The following VPS13B variants were observed in gnomAD, a reference collection of about 807,000 sequenced individuals.
The protein encoded by VPS13B is intermembrane lipid transfer protein VPS13B.
In VPS13B, 285 loss-of-function variants were observed where a neutral mutation model predicts 426.4. That is an observed-to-expected ratio of 0.67 (90% confidence interval 0.61 to 0.74). VPS13B has a LOEUF of 0.74. VPS13B is among the 30% of genes least tolerant of loss of function. The pLI is 0.00. For missense variants in VPS13B, 4,537 were observed against 4,782.6 expected, an observed-to-expected ratio of 0.95 and a Z score of 1.51; for synonymous variants, 1,676 against 1,676.4, an observed-to-expected ratio of 1.00 and a Z score of 0.01.
chr8:99,717,443 C>A, intron 37 of VPS13B, 70 bp downstream of exon 37: 1 of 1,374,824 alleles, frequency 7.3e-7, no homozygotes, highest in South Asian at 1.2e-5. Context: ...TGAACTGTTT[C>A]ACTAAATTTT....
intron 8 of VPS13B, among the ~76,000 whole-genome samples, chr8:99,125,774 AATTAT>A (rs1431861036): frequency 2.6e-5 from 4 of 152,160 alleles, no homozygotes; most frequent in African/African-American, 7.2e-5. Context: ...TAAAACTATA[AATTAT>A]ATTATGTATA....
rs150458771 is a variant in VPS13B, at chr8:99,754,200, A to G, written c.7051-12574A>G. On this transcript the variant is annotated intron_variant, in intron 39 of 61. Coordinates refer to ENST00000357162, the MANE Select transcript of VPS13B (RefSeq NM_152564.5). The stretch of plus-strand genomic sequence containing the variant: ...GATACATATAAAAAGAAATAATATT[A>G]TAAGCTAAAACTTTTGAGATTGCAA... Among the ~76,000 whole-genome samples the G allele has an allele frequency of 9.3e-5, 14 of 151,124 alleles. No homozygotes were observed. The East Asian group carries it at 2.3e-3, about 25-fold the overall frequency.
At chr8:99,069,740 A>T (rs912241648) in intron 3 of VPS13B, among the ~76,000 whole-genome samples, 4 of 152,166 alleles carry the variant, frequency 2.6e-5, no homozygotes, top group Admixed American at 1.3e-4. Context: ...TGTTATATTC[A>T]GTGTGTTGAA....
At chr8:99,836,987 G>A (rs2130870335) in intron 54 of VPS13B, among the ~76,000 whole-genome samples, 1 of 152,332 alleles carries the variant, frequency 6.6e-6, no homozygotes, top group Middle Eastern at 3.4e-3. Context: ...CAAAGCCGGT[G>A]CTCTGAGCAC....
intron 3 of VPS13B, among the ~76,000 whole-genome samples, chr8:99,043,463 T>G (rs957187058): frequency 1.3e-5 from 2 of 152,186 alleles, no homozygotes; most frequent in Non-Finnish European, 2.9e-5. Flanking sequence ...TTATCGTCAC[T>G]GTTATTGGTG....
chr8:99,308,812 TC>T (rs1275386937), intron 19 of VPS13B, among the ~76,000 whole-genome samples: 1 of 152,180 alleles, frequency 6.6e-6, no homozygotes, highest in Non-Finnish European at 1.5e-5. Context: ...GTAAAAGTGT[TC>T]CTATTTCTCC....
intron 3 of VPS13B, among the ~76,000 whole-genome samples, chr8:99,085,470 G>A (rs1350629449): frequency 6.6e-6 from 1 of 151,794 alleles, no homozygotes; most frequent in East Asian, 1.9e-4. Context: ...GGTTAATATT[G>A]TTATGTGTGA....
At chr8:99,592,051 T>G (rs1462796118) in intron 33 of VPS13B, among the ~76,000 whole-genome samples, 1 of 151,852 alleles carries the variant, frequency 6.6e-6, no homozygotes, top group Non-Finnish European at 1.5e-5. Flanking sequence ...TTCTTTTCTT[T>G]TCTCTTTTTT....
chr8:99,567,378 T>C (rs1825238699), intron 31 of VPS13B, among the ~76,000 whole-genome samples: 1 of 152,104 alleles, frequency 6.6e-6, no homozygotes, highest in African/African-American at 2.4e-5. Context: ...AAAACTGTCT[T>C]CTAGATATTG....
At chr8:99,018,147 A>T (rs1262514691) in intron 2 of VPS13B, among the ~76,000 whole-genome samples, 1 of 152,084 alleles carries the variant, frequency 6.6e-6, no homozygotes, top group African/African-American at 2.4e-5. Context: ...GCACTTTGGG[A>T]GGCCAAGGTG....
chr8:99,176,839 G>T (rs577032526), intron 16 of VPS13B, among the ~76,000 whole-genome samples: 117 of 152,312 alleles, frequency 7.7e-4, no homozygotes, highest in Non-Finnish European at 1.4e-3. Context: ...GCAAAGAGAA[G>T]ATGAAGGATC....
intron 19 of VPS13B, among the ~76,000 whole-genome samples, chr8:99,379,936 A>G (rs988915107): frequency 2.6e-5 from 4 of 152,212 alleles, no homozygotes; most frequent in African/African-American, 7.2e-5. Flanking sequence ...ATTGAATTAT[A>G]TATTCCTGAA....
At chr8:99,802,482 T>C (rs1813176649) in intron 43 of VPS13B, among the ~76,000 whole-genome samples, 1 of 152,158 alleles carries the variant, frequency 6.6e-6, no homozygotes, top group African/African-American at 2.4e-5. Context: ...TTTTGTCTGA[T>C]TGCCAAATAA....
chr8:99,200,416 A>T (rs1239862624), intron 17 of VPS13B, among the ~76,000 whole-genome samples: 1 of 152,086 alleles, frequency 6.6e-6, no homozygotes, highest in Non-Finnish European at 1.5e-5. Flanking sequence ...TTGTGTATAT[A>T]TACCTATAAA....
intron 30 of VPS13B, chr8:99,536,733 C>T (rs1295882524): frequency 1.9e-6 from 1 of 533,980 alleles, no homozygotes; most frequent in East Asian, 5.5e-5. Context: ...ATGTCTTTGG[C>T]ATTAAACGTA....
rs997167471 is a variant in VPS13B, at chr8:99,242,427, A to T, written c.2516-31771A>T. 4.6e-5 allele frequency among the ~76,000 whole-genome samples: 7 copies of T among 152,210 alleles called. No individual in the cohort carries two copies. In the South Asian group the frequency reaches 1.4e-3, roughly 32 times the overall value. On this transcript the variant is annotated intron_variant, in intron 17 of 61. Coordinates refer to ENST00000357162, the MANE Select transcript of VPS13B (RefSeq NM_152564.5). Reference sequence around the variant, plus strand: ...ACAAGAACTGTTTATCAGAATGGTTATATTTGTTTTTGTTTTATTTATAAC... The same window carrying T: ...ACAAGAACTGTTTATCAGAATGGTTTTATTTGTTTTTGTTTTATTTATAAC...
rs1816107129 is a variant in VPS13B at position 99,848,698 on chromosome 8, T to C, written c.9943-78T>C. On this transcript the variant is annotated intron_variant, in intron 54 of 61. Coordinates refer to ENST00000357162, the MANE Select transcript of VPS13B (RefSeq NM_152564.5). ...ATTGTTTGTGGTATTGAATCAGAAC[T>C]GGAGACATTTGAAGTCAAGCCACTT... is the stretch of plus-strand genomic sequence containing the variant. 3 of 1,283,450 alleles carry C rather than the reference T, an allele frequency of 2.3e-6. No individual in the cohort carries two copies. In the African/African-American group the frequency reaches 4.4e-5, roughly 19 times the overall value. 79.5% of individuals were successfully genotyped at this position (1,283,450 alleles called of 1,614,324 possible).
intron 56 of VPS13B, among the ~76,000 whole-genome samples, chr8:99,856,943 C>T (rs886546690): frequency 6.7e-4 from 102 of 152,282 alleles, no homozygotes; most frequent in African/African-American, 1.6e-3. Flanking sequence ...CAGTAACTGA[C>T]CCTATCTGAA....
intron 23 of VPS13B, among the ~76,000 whole-genome samples, chr8:99,442,961 CTTAAT>C (rs1369438632): frequency 2.0e-5 from 3 of 151,964 alleles, no homozygotes; most frequent in Non-Finnish European, 4.4e-5. Context: ...GTAGATTGAT[CTTAAT>C]TTAAGTTACT....
Sources: gnomAD v4.1 joint callset for allele counts (sites outside exome capture counted in the v4.1 genomes callset) on GRCh38, gnomAD v4.1.1 for gene constraint, MANE v1.5 for transcripts, NCBI Gene and HGNC (gene_info 2026-07-23, HGNC 2026-07-21) for gene names.